TACR1: variants seen among roughly 807,000 people sequenced by gnomAD.
TACR1 encodes tachykinin receptor 1, also known as substance-P receptor.
In TACR1, 25 loss-of-function variants were observed where a neutral mutation model predicts 35.8. The observed-to-expected ratio is 0.70, with a 90% CI of 0.51 to 0.98. TACR1 has a LOEUF of 0.98. TACR1 is among the 50% of genes least tolerant of loss of function. TACR1 has a pLI of 0.00. For synonymous variants in TACR1, 195 were observed against 206.7 expected, an observed-to-expected ratio of 0.94 and a Z score of 0.48; for missense variants, 478 against 522.9, an observed-to-expected ratio of 0.91 and a Z score of 0.84.
chr2:75,171,238 T>A (rs1305555040), intron 1 of TACR1, among the ~76,000 whole-genome samples: 1 of 152,192 alleles, frequency 6.6e-6, no homozygotes, highest in Non-Finnish European at 1.5e-5. Flanking sequence ...AAAGTATAAC[T>A]CAGGCCATTG....
chr2:75,072,360 T>C (rs1032326475), intron 2 of TACR1, among the ~76,000 whole-genome samples: 1 of 152,130 alleles, frequency 6.6e-6, no homozygotes, highest in Non-Finnish European at 1.5e-5. Context: ...TCGCCAAGTA[T>C]CATAATCAAT....
intron 1 of TACR1, among the ~76,000 whole-genome samples, chr2:75,193,689 T>C (rs1675902870): frequency 6.6e-6 from 1 of 152,144 alleles, no homozygotes; most frequent in Non-Finnish European, 1.5e-5. Flanking sequence ...AAATCTTATC[T>C]AATCTTCAAG....
At chr2:75,114,163 T>C (rs1361115327) in intron 2 of TACR1, among the ~76,000 whole-genome samples, 1 of 152,242 alleles carries the variant, frequency 6.6e-6, no homozygotes, top group Non-Finnish European at 1.5e-5. Flanking sequence ...GTTAATTAAA[T>C]GAACGATTCT....
chr2:75,178,285 A>C (rs1337738475), intron 1 of TACR1, among the ~76,000 whole-genome samples: 1 of 151,844 alleles, frequency 6.6e-6, no homozygotes, highest in African/African-American at 2.4e-5. Flanking sequence ...CCTGGGTTCA[A>C]GCGATTCTCC....
At chr2:75,083,621 C>A (rs1673134937) in intron 2 of TACR1, among the ~76,000 whole-genome samples, 1 of 151,926 alleles carries the variant, frequency 6.6e-6, no homozygotes, top group African/African-American at 2.4e-5. Context: ...GTTTGTAGTT[C>A]TCCTTGAAGA....
intron 2 of TACR1, among the ~76,000 whole-genome samples, chr2:75,118,210 A>G (rs1163784644): frequency 6.6e-6 from 1 of 152,264 alleles, no homozygotes; most frequent in Non-Finnish European, 1.5e-5. Flanking sequence ...GAAATTGTCT[A>G]GAAAAATAAT....
chr2:75,161,666 C>A (rs1675013083), intron 1 of TACR1, among the ~76,000 whole-genome samples: 1 of 151,896 alleles, frequency 6.6e-6, no homozygotes, highest in Admixed American at 6.6e-5. Flanking sequence ...GTAGAGAGAA[C>A]AACAAATCAC....
At chr2:75,188,187 A>G (rs1675752920) in intron 1 of TACR1, 1 of 152,226 alleles carries the variant, frequency 6.6e-6, no homozygotes, top group African/African-American at 2.4e-5. Context: ...GGGACTATTT[A>G]GAAGAGTATC....
chr2:75,090,477 G>A (rs778357354), intron 2 of TACR1, among the ~76,000 whole-genome samples: 20 of 152,036 alleles, frequency 1.3e-4, no homozygotes, highest in Non-Finnish European at 2.5e-4. Flanking sequence ...ACAAAACTTT[G>A]GTCTCCACAA....
intron 2 of TACR1, among the ~76,000 whole-genome samples, chr2:75,110,890 G>C (rs1351605663): frequency 6.6e-6 from 1 of 151,958 alleles, no homozygotes; most frequent in South Asian, 2.1e-4. Flanking sequence ...GACAGATATT[G>C]TCAAACTATG....
At position 75,154,410 on chromosome 2, in the gene TACR1, G is replaced by GCGTGCGCGCGCGCGCGCGCGCA. The variant is rs1166779798; in HGVS notation, c.390-33643_390-33642insTGCGCGCGCGCGCGCGCGCACG. 7 of 75,416 alleles carry GCGTGCGCGCGCGCGCGCGCGCA rather than the reference G, an allele frequency of 9.3e-5. 2 individuals are homozygous for GCGTGCGCGCGCGCGCGCGCGCA. The highest frequency in any genetic ancestry group is 2.9e-4 in the African/African-American group (6 of 20,472). 4.7% of individuals were successfully genotyped at this position (75,416 alleles called of 1,614,324 possible). A position where few individuals can be genotyped will look rare whatever the true frequency, so the allele number is the denominator to read the frequency against. On this transcript the variant is annotated intron_variant, in intron 1 of 4. Coordinates refer to ENST00000305249, the MANE Select transcript of TACR1 (RefSeq NM_001058.4). ...GAGATAATCAGCCAAGAGCGCGCAC[G>GCGTGCGCGCGCGCGCGCGCGCA]CACACACACACACACACACACACAC...
chr2:75,184,283 G>C (rs1328957536), intron 1 of TACR1, among the ~76,000 whole-genome samples: 1 of 151,920 alleles, frequency 6.6e-6, no homozygotes. Context: ...AAATCTCTTA[G>C]TAAACTAGAA....
chr2:75,061,972 G>A (rs532659825), intron 2 of TACR1, among the ~76,000 whole-genome samples: 143 of 152,146 alleles, frequency 9.4e-4, no homozygotes, highest in Non-Finnish European at 1.4e-3. Context: ...TAGATTAAAT[G>A]TTCCTTCTAG....
chr2:75,124,069 AGC>A lies in TACR1; in HGVS notation c.390-3303_390-3302del, dbSNP rs573693632. ...TGTAAGCATTAATCATTAGGCTGCC[AGC>A]GACAGGGATCTGGAGGCGTGTGGGA... On this transcript the variant is annotated intron_variant, in intron 1 of 4. Coordinates refer to ENST00000305249, the MANE Select transcript of TACR1 (RefSeq NM_001058.4). Among the ~76,000 whole-genome samples the A allele has an allele frequency of 3.3e-5, 5 of 152,332 alleles. No individual in the cohort carries two copies. In the South Asian group the frequency reaches 1.0e-3, roughly 32 times the overall value.
intron 2 of TACR1, among the ~76,000 whole-genome samples, chr2:75,080,016 C>T (rs1293095039): frequency 6.6e-6 from 1 of 152,154 alleles, no homozygotes; most frequent in Non-Finnish European, 1.5e-5. Flanking sequence ...GTTCTGTCCA[C>T]AGATCATAGC....
At position 75,047,438 on chromosome 2, in the gene TACR1, G is replaced by C. The variant is rs1672386909; in HGVS notation, c.*1994C>G. 6.6e-6 allele frequency: 1 copy of C among 152,262 alleles called. No homozygotes were observed. Among genetic ancestry groups the C allele is most frequent in the Admixed American group, 6.5e-5 (1 of 15,284 alleles). 9.4% of individuals were successfully genotyped at this position (152,262 alleles called of 1,614,324 possible). On this transcript the variant is annotated 3_prime_UTR_variant, in exon 5 of 5. Transcript: ENST00000305249. ...CTGTGTGTTCCCAGTTCAGGGCAAA[G>C]TCCAGAGGAGGCACTCAGTTAATCC...
chr2:75,155,780 T>C (rs1674835082), intron 1 of TACR1, among the ~76,000 whole-genome samples: 1 of 152,230 alleles, frequency 6.6e-6, no homozygotes, highest in South Asian at 2.1e-4. Flanking sequence ...TAGAATAATG[T>C]AGACAGAACA....
chr2:75,120,480 A>G (rs375050198), intron 2 of TACR1, 94 bp downstream of exon 2: 1 of 1,229,534 alleles, frequency 8.1e-7, no homozygotes, highest in South Asian at 1.6e-5. Context: ...ATCTGTACCA[A>G]CAAAAGAATA....
chr2:75,111,237 C>A (rs1459678159), intron 2 of TACR1, among the ~76,000 whole-genome samples: 1 of 151,960 alleles, frequency 6.6e-6, no homozygotes, highest in African/African-American at 2.4e-5. Flanking sequence ...AACCAGCAAT[C>A]TTTCATTTTG....
Sources: gnomAD v4.1 joint callset for allele counts (sites outside exome capture counted in the v4.1 genomes callset) on GRCh38, gnomAD v4.1.1 for gene constraint, MANE v1.5 for transcripts, NCBI Gene and HGNC (gene_info 2026-07-23, HGNC 2026-07-21) for gene names.